The following NRXN3 variants were observed in gnomAD, a reference collection of about 807,000 sequenced individuals.
The protein encoded by NRXN3 is neurexin III.
Under a neutral mutation model 137.6 loss-of-function variants are expected in NRXN3, and 32 were observed. The ratio of observed to expected loss-of-function variants is 0.23; its 90% CI spans 0.18 to 0.31. The LOEUF (loss-of-function observed/expected upper bound fraction) is 0.31, where lower values mean the gene tolerates loss of function less well. Among genes scored for constraint, NRXN3 ranks in the 10% least tolerant of loss-of-function variants. The probability of loss-of-function intolerance (pLI) is 1.00; values close to 1 mark genes in which losing one functional copy is unlikely to be tolerated. For synonymous variants in NRXN3, 798 were observed against 784.5 expected, an observed-to-expected ratio of 1.02 and a Z score of -0.29; for missense variants, 1,574 against 2,062.5, an observed-to-expected ratio of 0.76 and a Z score of 4.59.
At chr14:78,907,155 G>A (rs1268970735) in intron 10 of NRXN3, among the ~76,000 whole-genome samples, 4 of 151,912 alleles carry the variant, frequency 2.6e-5, no homozygotes, top group African/African-American at 7.3e-5. Flanking sequence ...TATTGAAATT[G>A]GATTGCATAT....
intron 4 of NRXN3, among the ~76,000 whole-genome samples, chr14:78,606,374 C>T (rs2097253107): frequency 6.6e-6 from 1 of 152,100 alleles, no homozygotes; most frequent in Admixed American, 6.5e-5. Flanking sequence ...TTTCCTTGGC[C>T]TGGAAACTCT....
At chr14:79,468,142 A>G (rs1206651135) in intron 16 of NRXN3, among the ~76,000 whole-genome samples, 1 of 152,250 alleles carries the variant, frequency 6.6e-6, no homozygotes, top group Non-Finnish European at 1.5e-5. Context: ...GGTCTTGTAC[A>G]TATGCACTTA....
intron 19 of NRXN3, among the ~76,000 whole-genome samples, chr14:79,782,486 GAA>G (rs71942981): frequency 0.018 from 2,705 of 152,258 alleles, 82 homozygotes; most frequent in African/African-American, 0.059. Flanking sequence ...ATGGTCTCTT[GAA>G]TATTCTTAGA....
intron 20 of NRXN3, among the ~76,000 whole-genome samples, chr14:79,819,832 A>G (rs1372255110): frequency 1.3e-5 from 2 of 151,902 alleles, no homozygotes; most frequent in Non-Finnish European, 2.9e-5. Context: ...TAGATATGCC[A>G]CTATCTCAGA....
At chr14:79,388,726 G>C (rs1477123105) in intron 15 of NRXN3, among the ~76,000 whole-genome samples, 1 of 152,100 alleles carries the variant, frequency 6.6e-6, no homozygotes, top group Non-Finnish European at 1.5e-5. Flanking sequence ...AGAGGGAGAG[G>C]CAATTAATTT....
intron 15 of NRXN3, among the ~76,000 whole-genome samples, chr14:79,215,575 C>T (rs746018012): frequency 2.6e-5 from 4 of 152,052 alleles, no homozygotes; most frequent in African/African-American, 9.7e-5. Flanking sequence ...GAATGAGAGC[C>T]AAGCAAAAGT....
chr14:78,808,037 GCA>G (rs368948340), intron 9 of NRXN3, among the ~76,000 whole-genome samples: 3 of 150,850 alleles, frequency 2.0e-5, no homozygotes, highest in Non-Finnish European at 3.0e-5. Flanking sequence ...ATATACACAC[GCA>G]CACACACACA....
chr14:79,494,773 G>A (rs568469185), intron 16 of NRXN3, among the ~76,000 whole-genome samples: 119 of 152,038 alleles, frequency 7.8e-4, no homozygotes, highest in Non-Finnish European at 1.4e-3. Context: ...TTATGTAACC[G>A]TGATACATGG....
intron 2 of NRXN3, among the ~76,000 whole-genome samples, chr14:78,251,041 T>A (rs1018953977): frequency 6.6e-6 from 1 of 152,124 alleles, no homozygotes; most frequent in Non-Finnish European, 1.5e-5. Context: ...CTCAAAACTC[T>A]GGTTTTAGTG....
At chr14:79,081,176 A>T (rs2046916575) in intron 15 of NRXN3, among the ~76,000 whole-genome samples, 1 of 152,236 alleles carries the variant, frequency 6.6e-6, no homozygotes, top group South Asian at 2.1e-4. Context: ...ATTGAGATCC[A>T]GTGAAACTAT....
chr14:78,332,318 CTTTTTTT>C (rs5809877), intron 4 of NRXN3, among the ~76,000 whole-genome samples: 1 of 124,688 alleles, frequency 8.0e-6, no homozygotes, highest in Non-Finnish European at 1.7e-5. Flanking sequence ...TTTTCTTCTT[CTTTTTTT>C]TTTTTTTTTT....
intron 4 of NRXN3, among the ~76,000 whole-genome samples, chr14:78,430,249 A>C (rs1023607608): frequency 3.7e-4 from 56 of 152,204 alleles, no homozygotes; most frequent in African/African-American, 1.4e-3. Context: ...ATTTTTGAAA[A>C]ATGAAAAAGA....
At chr14:79,231,918 G>A (rs2072280447) in intron 15 of NRXN3, among the ~76,000 whole-genome samples, 2 of 152,084 alleles carry the variant, frequency 1.3e-5, no homozygotes, top group Non-Finnish European at 2.9e-5. Context: ...ATAGGAGAGG[G>A]AAGTTGAGAT....
At chr14:78,322,078 C>G (rs1395135641) in intron 4 of NRXN3, among the ~76,000 whole-genome samples, 1 of 151,980 alleles carries the variant, frequency 6.6e-6, no homozygotes, top group Non-Finnish European at 1.5e-5. Flanking sequence ...AATCTGCATA[C>G]CAGCCCTTTT....
intron 1 of NRXN3, among the ~76,000 whole-genome samples, chr14:78,220,344 A>T (rs1013629753): frequency 6.6e-6 from 1 of 152,058 alleles, no homozygotes; most frequent in East Asian, 1.9e-4. Flanking sequence ...AAAGGTGTGC[A>T]GAGAGGGAGG....
chr14:78,450,559 G>A (rs1159126817), intron 4 of NRXN3, among the ~76,000 whole-genome samples: 1 of 152,132 alleles, frequency 6.6e-6, no homozygotes. Flanking sequence ...CTGGAGCCCG[G>A]TGGAATCCAC....
rs560941850 is a variant in NRXN3 at position 78,387,032 on chromosome 14, C to A, written c.757+89172C>A. 2.0e-5 allele frequency among the ~76,000 whole-genome samples: 3 copies of A among 152,184 alleles called. No homozygotes were observed. The East Asian group carries it at 5.8e-4, about 29-fold the overall frequency. On this transcript the variant is annotated intron_variant, in intron 4 of 20. Coordinates refer to ENST00000335750, the MANE Select transcript of NRXN3 (RefSeq NM_001330195.2). ...CCTGACTCAAATGATCCACCCTCCTCGGCCTCCCAAAATGCTGGGATTACA... is the reference window on the plus strand; with the variant it reads ...CCTGACTCAAATGATCCACCCTCCTAGGCCTCCCAAAATGCTGGGATTACA...
rs538700842 is a variant in NRXN3 at position 79,279,852 on chromosome 14, C to G, written c.3263-187369C>G. 7.9e-6 allele frequency: 8 copies of G among 1,008,608 alleles called. No individual in the cohort carries two copies. The African/African-American group carries it at 1.4e-4, about 17-fold the overall frequency. The allele number at this position is 1,008,608 out of a possible 1,614,324, so 62.5% of individuals were successfully genotyped here. A position where few individuals can be genotyped will look rare whatever the true frequency, so the allele number is the denominator to read the frequency against. On this transcript the variant is annotated intron_variant, in intron 15 of 20. Coordinates refer to ENST00000335750, the MANE Select transcript of NRXN3 (RefSeq NM_001330195.2). ...TCCTTGGATGTTGGGATAAACTCAC[C>G]TGAACCCACTTGGGTTCGGGCTGCC... is the stretch of plus-strand genomic sequence containing the variant.
intron 15 of NRXN3, among the ~76,000 whole-genome samples, chr14:79,009,437 G>A (rs377567338): frequency 5.3e-5 from 8 of 152,116 alleles, no homozygotes; most frequent in African/African-American, 1.9e-4. Flanking sequence ...GAGTCAGTGC[G>A]ATGCTAAACC....
Sources: gnomAD v4.1 joint callset for allele counts (sites outside exome capture counted in the v4.1 genomes callset) on GRCh38, gnomAD v4.1.1 for gene constraint, MANE v1.5 for transcripts, NCBI Gene and HGNC (gene_info 2026-07-23, HGNC 2026-07-21) for gene names.